JAZF1: variants seen among roughly 807,000 people sequenced by gnomAD.
JAZF1 encodes juxtaposed with another zinc finger protein 1.
Under a neutral mutation model 26.4 loss-of-function variants are expected in JAZF1, and 8 were observed. That is an observed-to-expected ratio of 0.30 (90% CI 0.18 to 0.55). JAZF1 has a LOEUF of 0.55. JAZF1 is among the 20% of genes least tolerant of loss of function. The pLI is 0.94. For synonymous variants in JAZF1, 126 were observed against 122.3 expected, an observed-to-expected ratio of 1.03 and a Z score of -0.20; for missense variants, 199 against 322.0, an observed-to-expected ratio of 0.62 and a Z score of 2.92.
chr7:27,842,060 G>A (rs1176010913), intron 3 of JAZF1: 1 of 152,098 alleles, frequency 6.6e-6, no homozygotes, highest in Admixed American at 6.5e-5. Context: ...ACTTTTATTG[G>A]GTTTCATTTT....
chr7:27,892,169 A>G (rs1368368835), intron 3 of JAZF1, among the ~76,000 whole-genome samples: 2 of 152,218 alleles, frequency 1.3e-5, no homozygotes, highest in Non-Finnish European at 2.9e-5. Context: ...ACATTGAAAA[A>G]TGTACACAAT....
At chr7:27,963,558 TC>T (rs34874067) in intron 2 of JAZF1, among the ~76,000 whole-genome samples, 61 of 97,550 alleles carry the variant, frequency 6.3e-4, no homozygotes, top group East Asian at 8.2e-4. Context: ...TGTTTGCAAT[TC>T]CCCCCCCCCC....
In JAZF1 at chr7:28,179,647, C is replaced by T. The variant is rs571657676; in HGVS notation, c.115+816G>A. ...CGCTGGGCGCGGCCCGCGGGCGCAC[C>T]CAAGACCTCAGCCCGCAGCGCCCGG... On this transcript the variant is annotated intron_variant, in intron 1 of 4. Coordinates refer to ENST00000283928, the MANE Select transcript of JAZF1 (RefSeq NM_175061.4). 6.2e-3 allele frequency among the ~76,000 whole-genome samples: 928 copies of T among 149,990 alleles called. 5 individuals are homozygous for T. The highest frequency in any genetic ancestry group is 0.021 in the South Asian group (102 of 4,820).
chr7:27,905,556 A>C (rs1050740475), intron 2 of JAZF1, among the ~76,000 whole-genome samples: 35 of 148,520 alleles, frequency 2.4e-4, no homozygotes, highest in East Asian at 4.0e-4. Flanking sequence ...TTTTCTTTTT[A>C]TTTTTTATTT....
chr7:27,896,777 G>A (rs1784072855), intron 2 of JAZF1, among the ~76,000 whole-genome samples: 1 of 152,172 alleles, frequency 6.6e-6, no homozygotes, highest in South Asian at 2.1e-4. Context: ...GAACATGGAT[G>A]GCACATTTCT....
chr7:28,018,583 A>T (rs2128372220), intron 1 of JAZF1, among the ~76,000 whole-genome samples: 1 of 152,298 alleles, frequency 6.6e-6, no homozygotes, highest in African/African-American at 2.4e-5. Context: ...GGGAAAAATT[A>T]TACAGTCATC....
intron 1 of JAZF1, among the ~76,000 whole-genome samples, chr7:28,089,900 G>A (rs546110963): frequency 6.6e-6 from 1 of 152,274 alleles, no homozygotes; most frequent in African/African-American, 2.4e-5. Flanking sequence ...GGTTCTTCCT[G>A]ACTACATATA....
chr7:27,838,375 T>C (rs2128330820), intron 4 of JAZF1, among the ~76,000 whole-genome samples: 1 of 152,264 alleles, frequency 6.6e-6, no homozygotes, highest in South Asian at 2.1e-4. Context: ...CCTTCTCCCA[T>C]TCCCTGCTCT....
intron 2 of JAZF1, among the ~76,000 whole-genome samples, chr7:27,932,506 G>C (rs986255911): frequency 1.3e-5 from 2 of 152,026 alleles, no homozygotes; most frequent in Non-Finnish European, 2.9e-5. Context: ...CAATCAGCTG[G>C]AAACAATAAA....
intron 1 of JAZF1, among the ~76,000 whole-genome samples, chr7:28,110,508 GGAAAGGAAAAGGAAAA>G: frequency 1.5e-4 from 13 of 87,914 alleles, no homozygotes; most frequent in African/African-American, 6.5e-4. Flanking sequence ...GAAAGGAAAA[GGAAAGGAAAAGGAAAA>G]GGAAAAGGAA....
intron 2 of JAZF1, among the ~76,000 whole-genome samples, chr7:27,906,027 G>A (rs1400134168): frequency 2.0e-5 from 3 of 152,108 alleles, no homozygotes; most frequent in Non-Finnish European, 4.4e-5. Flanking sequence ...ATCTAAATGT[G>A]TTTTCTATTA....
At chr7:27,884,549 CAA>C in intron 3 of JAZF1, among the ~76,000 whole-genome samples, 1 of 152,342 alleles carries the variant, frequency 6.6e-6, no homozygotes, top group Non-Finnish European at 1.5e-5. Context: ...CTCACATACT[CAA>C]GTTAACTATG....
intron 1 of JAZF1, among the ~76,000 whole-genome samples, chr7:28,163,671 T>G (rs1783324815): frequency 6.6e-6 from 1 of 152,228 alleles, no homozygotes; most frequent in Admixed American, 6.5e-5. Context: ...TTTCTCCCCT[T>G]CAAGTCCCAA....
chr7:28,110,431 G>GA lies in JAZF1; in HGVS notation c.115+70031dup, dbSNP rs1237173086. Among the ~76,000 whole-genome samples the GA allele has an allele frequency of 2.1e-4, 23 of 111,328 alleles. 1 individual carries two copies. The East Asian group carries it at 6.5e-3, about 32-fold the overall frequency. 73.0% of individuals were successfully genotyped at this position (111,328 alleles called of 152,430 possible). ...ACAGAGTGAGACTCCATCAAAAAAAGAAAAAAGAGAGAGAGAAAAAGGAAA... is the reference window on the plus strand; with the variant it reads ...ACAGAGTGAGACTCCATCAAAAAAAGAAAAAAAGAGAGAGAGAAAAAGGAAA... On this transcript the variant is annotated intron_variant, in intron 1 of 4. Coordinates refer to ENST00000283928, the MANE Select transcript of JAZF1 (RefSeq NM_175061.4).
intron 1 of JAZF1, among the ~76,000 whole-genome samples, chr7:28,166,205 G>T (rs1032502513): frequency 2.6e-5 from 4 of 152,104 alleles, no homozygotes; most frequent in African/African-American, 9.7e-5. Flanking sequence ...AACTGTATCA[G>T]GGCAATATAT....
chr7:28,170,635 A>G (rs2127954406), intron 1 of JAZF1, among the ~76,000 whole-genome samples: 1 of 152,130 alleles, frequency 6.6e-6, no homozygotes, highest in South Asian at 2.1e-4. Flanking sequence ...ATTCAGAAAC[A>G]TTTCTACCTC....
At chr7:28,018,742 A>G (rs1782945041) in intron 1 of JAZF1, among the ~76,000 whole-genome samples, 1 of 152,214 alleles carries the variant, frequency 6.6e-6, no homozygotes, top group South Asian at 2.1e-4. Context: ...CAGCATCGCA[A>G]TTATAAAAAG....
chr7:27,842,488 A>G (rs1782940469), intron 3 of JAZF1: 1 of 152,108 alleles, frequency 6.6e-6, no homozygotes, highest in African/African-American at 2.4e-5. Flanking sequence ...TCTGTTAGAA[A>G]TTCTCGGGTG....
At chr7:27,955,776 T>C (rs984126732) in intron 2 of JAZF1, among the ~76,000 whole-genome samples, 1 of 152,210 alleles carries the variant, frequency 6.6e-6, no homozygotes, top group Non-Finnish European at 1.5e-5. Flanking sequence ...AGGCATGACC[T>C]TTACTTAATG....
Sources: allele counts gnomAD v4.1 joint callset (sites outside exome capture counted in the v4.1 genomes callset), GRCh38; gene constraint gnomAD v4.1.1; transcripts MANE v1.5; gene names NCBI Gene and HGNC (gene_info 2026-07-23, HGNC 2026-07-21).